ATOSA: variants seen among roughly 807,000 people sequenced by gnomAD.
The protein encoded by ATOSA is atos homolog A.
At chr15:52,703,204 C>A in the ATOSA span, among the ~76,000 whole-genome samples, 2 of 151,988 alleles carry the variant, frequency 1.3e-5, no homozygotes, top group African/African-American at 4.8e-5. Context: ...GCAAACTAAT[C>A]CAAAATAACA....
the ATOSA span, among the ~76,000 whole-genome samples, chr15:52,669,280 T>C: frequency 2.6e-5 from 4 of 152,174 alleles, no homozygotes; most frequent in African/African-American, 4.8e-5. Flanking sequence ...AGAGAAATCC[T>C]ATGGTTAGTT....
the ATOSA span, chr15:52,658,737 G>A: frequency 3.0e-6 from 1 of 337,906 alleles, no homozygotes; most frequent in Admixed American, 5.3e-5. Context: ...GGCTGATACA[G>A]GAAGATTGCT....
At chr15:52,678,180 G>A in the ATOSA span, 10 of 848,778 alleles carry the variant, frequency 1.2e-5, no homozygotes, top group Non-Finnish European at 1.7e-5. Flanking sequence ...GACCTTGCAA[G>A]TAAACTACTG....
chr15:52,614,447 T>C, the ATOSA span, among the ~76,000 whole-genome samples: 1 of 152,126 alleles, frequency 6.6e-6, no homozygotes, highest in East Asian at 1.9e-4. Flanking sequence ...CTTACTTTTC[T>C]AATTAAAAAG....
At chr15:52,645,861 G>C in the ATOSA span, among the ~76,000 whole-genome samples, 3 of 152,070 alleles carry the variant, frequency 2.0e-5, no homozygotes, top group Non-Finnish European at 4.4e-5. Flanking sequence ...GTAACAAAAG[G>C]AAACAAACTC....
the ATOSA span, among the ~76,000 whole-genome samples, chr15:52,625,026 G>A: frequency 6.6e-6 from 1 of 151,960 alleles, no homozygotes; most frequent in South Asian, 2.1e-4. Context: ...TGATCCACCC[G>A]TCTTGGCCTC....
the ATOSA span, among the ~76,000 whole-genome samples, chr15:52,590,031 G>A: frequency 2.4e-4 from 36 of 151,956 alleles, no homozygotes; most frequent in African/African-American, 8.0e-4. Context: ...CAAGTTATCC[G>A]CCTGCCCCAG....
the ATOSA span, among the ~76,000 whole-genome samples, chr15:52,674,201 A>G: frequency 5.3e-4 from 80 of 152,286 alleles, no homozygotes; most frequent in Non-Finnish European, 1.0e-3. Context: ...AATTACCTCT[A>G]CACTAAGACC....
At chr15:52,597,921 T>C in the ATOSA span, among the ~76,000 whole-genome samples, 2 of 152,212 alleles carry the variant, frequency 1.3e-5, no homozygotes, top group Admixed American at 1.3e-4. Flanking sequence ...GTTCAAGAGT[T>C]TGAGACCAGC....
the ATOSA span, chr15:52,584,800 T>C: frequency 3.7e-6 from 6 of 1,613,716 alleles, no homozygotes; most frequent in Non-Finnish European, 5.1e-6. Flanking sequence ...ATGTTCTCTT[T>C]ATTAACACTT....
At chr15:52,698,387 C>G in the ATOSA span, among the ~76,000 whole-genome samples, 1 of 152,122 alleles carries the variant, frequency 6.6e-6, no homozygotes, top group Non-Finnish European at 1.5e-5. Context: ...GCTTTATGAT[C>G]CAGCAATTCC....
At chr15:52,604,343 A>T in the ATOSA span, among the ~76,000 whole-genome samples, 1 of 152,258 alleles carries the variant, frequency 6.6e-6, no homozygotes, top group Non-Finnish European at 1.5e-5. Flanking sequence ...ACTGAGCTCC[A>T]AGTTATACAT....
At chr15:52,599,854 T>A in the ATOSA span, among the ~76,000 whole-genome samples, 6 of 152,288 alleles carry the variant, frequency 3.9e-5, no homozygotes, top group African/African-American at 1.4e-4. Context: ...TGTGGTCAAA[T>A]CTATGCTCCC....
At chr15:52,594,215 C>A in the ATOSA span, among the ~76,000 whole-genome samples, 3 of 151,936 alleles carry the variant, frequency 2.0e-5, no homozygotes, top group Admixed American at 1.3e-4. Context: ...TAATTCTAAC[C>A]GAGAAATAAT....
At chr15:52,665,857 TGC>T in the ATOSA span, among the ~76,000 whole-genome samples, 1 of 152,148 alleles carries the variant, frequency 6.6e-6, no homozygotes, top group African/African-American at 2.4e-5. Flanking sequence ...GACACAGGCA[TGC>T]AAAAGTTAGC....
the ATOSA span, among the ~76,000 whole-genome samples, chr15:52,664,155 A>G: frequency 2.0e-5 from 3 of 152,232 alleles, no homozygotes; most frequent in Admixed American, 2.0e-4. Flanking sequence ...GTAGGAAACC[A>G]TGGACTGACA....
chr15:52,622,960 TATAA>T, the ATOSA span, among the ~76,000 whole-genome samples: 57,076 of 135,556 alleles, frequency 0.42, 13,147 homozygotes, highest in Non-Finnish European at 0.51. Context: ...CTGTCCCTAT[TATAA>T]ATAAATAAAT....
At chr15:52,676,651 G>T in the ATOSA span, among the ~76,000 whole-genome samples, 1 of 152,144 alleles carries the variant, frequency 6.6e-6, no homozygotes, top group Non-Finnish European at 1.5e-5. Flanking sequence ...AACTTCTTTG[G>T]AAATCTTGAT....
At chr15:52,708,165 T>G in the ATOSA span, among the ~76,000 whole-genome samples, 2,924 of 152,148 alleles carry the variant, frequency 0.019, 58 homozygotes, top group African/African-American at 0.053. Context: ...CAAGGCTGGG[T>G]TCAACCACAC....
Sources: allele counts gnomAD v4.1 joint callset (sites outside exome capture counted in the v4.1 genomes callset), GRCh38; gene constraint gnomAD v4.1.1; transcripts MANE v1.5; gene names NCBI Gene and HGNC (gene_info 2026-07-23, HGNC 2026-07-21).